ADGRL2: variants seen among roughly 807,000 people sequenced by gnomAD.
ADGRL2 encodes calcium-independent alpha-latrotoxin receptor 2.
Under a neutral mutation model 157.4 loss-of-function variants are expected in ADGRL2, and 44 were observed. That is an observed-to-expected ratio of 0.28 (90% confidence interval 0.22 to 0.36). The LOEUF is 0.36. ADGRL2 is among the 10% of genes least tolerant of loss of function. The pLI, the probability that ADGRL2 is intolerant of heterozygous loss-of-function variation, is 1.00. For missense variants in ADGRL2, 1,510 were observed against 1,768.9 expected, an observed-to-expected ratio of 0.85 and a Z score of 2.63; for synonymous variants, 585 against 624.7, an observed-to-expected ratio of 0.94 and a Z score of 0.95.
intron 2 of ADGRL2, among the ~76,000 whole-genome samples, chr1:81,844,935 A>G (rs2092727422): frequency 6.6e-6 from 1 of 152,188 alleles, no homozygotes; most frequent in Non-Finnish European, 1.5e-5. Context: ...TTGAATGTAT[A>G]TATCTTCATG....
chr1:81,582,629 C>T (rs188793477), intron 3 of ADGRL2, among the ~76,000 whole-genome samples: 2 of 151,988 alleles, frequency 1.3e-5, no homozygotes, highest in African/African-American at 2.4e-5. Context: ...TAATAAGTAA[C>T]TCATTTTGGG....
At chr1:81,343,490 A>G (rs1445111672) in intron 1 of ADGRL2, among the ~76,000 whole-genome samples, 1 of 152,204 alleles carries the variant, frequency 6.6e-6, no homozygotes, top group Non-Finnish European at 1.5e-5. Context: ...ATTCAGAACT[A>G]TCATTTCCTT....
At chr1:81,570,845 C>T (rs1369925234) in intron 2 of ADGRL2, among the ~76,000 whole-genome samples, 1 of 152,076 alleles carries the variant, frequency 6.6e-6, no homozygotes, top group Non-Finnish European at 1.5e-5. Flanking sequence ...GTACAGATTA[C>T]CACTGTGTAG....
intron 17 of ADGRL2, among the ~76,000 whole-genome samples, chr1:81,972,466 T>G (rs1223715396): frequency 6.6e-6 from 1 of 152,068 alleles, no homozygotes; most frequent in Admixed American, 6.6e-5. Flanking sequence ...AATATACTAG[T>G]TTAAGAAATG....
chr1:81,553,295 A>T (rs1333958028), intron 2 of ADGRL2, among the ~76,000 whole-genome samples: 1 of 152,230 alleles, frequency 6.6e-6, no homozygotes, highest in Non-Finnish European at 1.5e-5. Context: ...TGCAAAGGGC[A>T]TTATTTACAT....
At chr1:81,668,748 T>C (rs192782617) in intron 3 of ADGRL2, among the ~76,000 whole-genome samples, 115 of 151,928 alleles carry the variant, frequency 7.6e-4, no homozygotes, top group Non-Finnish European at 1.5e-3. Context: ...TTTTGTATTT[T>C]TGGTAGAGAC....
intron 3 of ADGRL2, among the ~76,000 whole-genome samples, chr1:81,651,606 A>G (rs951898961): frequency 6.6e-6 from 1 of 152,128 alleles, no homozygotes; most frequent in African/African-American, 2.4e-5. Flanking sequence ...GGGTTTCACC[A>G]CTCTTAAACT....
chr1:81,747,128 T>TATATATGTATACATATATAC (rs1557616239), intron 1 of ADGRL2, among the ~76,000 whole-genome samples: 5 of 144,096 alleles, frequency 3.5e-5, no homozygotes, highest in Non-Finnish European at 6.1e-5. Flanking sequence ...TGTGTATATA[T>TATATATGTATACATATATAC]GTATATATGT....
At chr1:81,354,784 C>T (rs1192113051) in intron 1 of ADGRL2, among the ~76,000 whole-genome samples, 4 of 152,188 alleles carry the variant, frequency 2.6e-5, no homozygotes, top group Non-Finnish European at 4.4e-5. Flanking sequence ...AAATATATGC[C>T]TGTATTCCTC....
At chr1:81,842,215 T>A (rs918164942) in intron 2 of ADGRL2, among the ~76,000 whole-genome samples, 4 of 151,982 alleles carry the variant, frequency 2.6e-5, no homozygotes. Context: ...AGATGATTGA[T>A]CATGATTCAG....
Position 81,955,302 on chromosome 1 carries a change from T to C in ADGRL2, c.1834-575T>C, listed in dbSNP as rs571278509. On this transcript the variant is annotated intron_variant, in intron 10 of 23. Transcript: ENST00000686636. ...GGACAGAGAATTGGAAGAGTGAAAA[T>C]GTTCACAGATAAATTATGAACTTTA... 2.6e-5 allele frequency among the ~76,000 whole-genome samples: 4 copies of C among 152,084 alleles called. No individual in the cohort carries two copies. In the East Asian group the frequency reaches 7.7e-4, roughly 29 times the overall value.
intron 3 of ADGRL2, among the ~76,000 whole-genome samples, chr1:81,610,229 G>GGT (rs1557503906): frequency 2.0e-4 from 25 of 127,390 alleles, no homozygotes; most frequent in Middle Eastern, 4.3e-3. Flanking sequence ...TGGCTTGGAG[G>GGT]TTTTTTTTTT....
At chr1:81,886,535 C>T (rs930854030) in intron 2 of ADGRL2, among the ~76,000 whole-genome samples, 1 of 152,118 alleles carries the variant, frequency 6.6e-6, no homozygotes, top group East Asian at 1.9e-4. Flanking sequence ...TAATTCTTGG[C>T]CAGAAAACGA....
intron 1 of ADGRL2, among the ~76,000 whole-genome samples, chr1:81,806,554 A>G (rs1367085906): frequency 2.0e-5 from 3 of 152,066 alleles, no homozygotes; most frequent in South Asian, 2.1e-4. Flanking sequence ...TTGAGATGTC[A>G]TGAAGGTCAA....
At chr1:81,927,452 T>C (rs1261312901) in intron 3 of ADGRL2, among the ~76,000 whole-genome samples, 1 of 152,028 alleles carries the variant, frequency 6.6e-6, no homozygotes, top group Non-Finnish European at 1.5e-5. Context: ...CAGGATTATA[T>C]TTAAAACTTT....
intron 3 of ADGRL2, among the ~76,000 whole-genome samples, chr1:81,686,061 C>T (rs186885537): frequency 9.7e-4 from 148 of 152,266 alleles, no homozygotes; most frequent in Non-Finnish European, 1.2e-4. Flanking sequence ...AGGATTTTAG[C>T]AACTATGTTC....
rs367899753 is a variant in ADGRL2 at position 81,381,619 on chromosome 1, T to G, written c.-301-63417T>G. On this transcript the variant is annotated intron_variant, in intron 1 of 24. Coordinates refer to the ADGRL2 transcript ENST00000370721. The stretch of plus-strand genomic sequence containing the variant: ...ATAGCCTTCTTTTTCTTTCAGTATT[T>G]TCATGAAGAGTGTCTGCAGAAATTT... Among the ~76,000 whole-genome samples the G allele has an allele frequency of 2.6e-5, 4 of 152,158 alleles. No homozygotes were observed. In the East Asian group the frequency reaches 5.8e-4, roughly 22 times the overall value.
upstream of ADGRL2, among the ~76,000 whole-genome samples, chr1:81,695,073 C>A (rs564365441): frequency 1.3e-5 from 2 of 152,030 alleles, no homozygotes; most frequent in South Asian, 4.2e-4. Context: ...CCTATTAATT[C>A]TTTGGTTATT....
At chr1:81,555,595 A>G (rs1312757018) in intron 2 of ADGRL2, among the ~76,000 whole-genome samples, 8 of 152,058 alleles carry the variant, frequency 5.3e-5, no homozygotes, top group Admixed American at 5.2e-4. Context: ...CTTATTAGCA[A>G]TTCGACAGAG....
Sources: gnomAD v4.1 joint callset for allele counts (sites outside exome capture counted in the v4.1 genomes callset) on GRCh38, gnomAD v4.1.1 for gene constraint, MANE v1.5 for transcripts, NCBI Gene and HGNC (gene_info 2026-07-23, HGNC 2026-07-21) for gene names.